GREM2: variants seen among roughly 807,000 people sequenced by gnomAD.
GREM2 encodes the protein gremlin 2, DAN family BMP antagonist, also known as gremlin-2.
GREM2 carries 11 observed loss-of-function variants against 14.2 expected under a neutral mutation model. That is an observed-to-expected ratio of 0.78 (90% confidence interval 0.49 to 1.28). GREM2 has a LOEUF of 1.28. Among genes scored for constraint, GREM2 ranks in the 50% most tolerant of loss-of-function variants. The pLI, the probability that GREM2 is intolerant of heterozygous loss-of-function variation, is 0.00. For synonymous variants in GREM2, 98 were observed against 97.6 expected (o/e 1.00, Z -0.02); for missense variants, 210 against 218.5 (o/e 0.96, Z 0.24).
intron 1 of GREM2, among the ~76,000 whole-genome samples, chr1:240,609,263 CA>C (rs1300669819): frequency 2.6e-5 from 4 of 151,950 alleles, no homozygotes; most frequent in African/African-American, 7.3e-5. Context: ...ATCAGTGCGC[CA>C]ACACCGTCTG....
chr1:240,505,445 A>C (rs1281065896), intron 1 of GREM2, among the ~76,000 whole-genome samples: 1 of 152,180 alleles, frequency 6.6e-6, no homozygotes, highest in African/African-American at 2.4e-5. Flanking sequence ...GAAAACAAAA[A>C]CAACAATAAA....
chr1:240,496,693 C>T (rs1299555989), intron 1 of GREM2, among the ~76,000 whole-genome samples: 2 of 152,140 alleles, frequency 1.3e-5, no homozygotes. Flanking sequence ...CAGAACAGTG[C>T]CTGGTGTACA....
intron 1 of GREM2, among the ~76,000 whole-genome samples, chr1:240,598,087 T>C (rs1302705504): frequency 6.6e-6 from 1 of 152,192 alleles, no homozygotes; most frequent in East Asian, 1.9e-4. Flanking sequence ...CGAACCTCAA[T>C]TGGCCAACGT....
intron 1 of GREM2, among the ~76,000 whole-genome samples, chr1:240,516,365 G>T (rs1677956981): frequency 6.6e-6 from 1 of 152,076 alleles, no homozygotes. Flanking sequence ...TAATAGATTT[G>T]ATGTTGAAAA....
intron 1 of GREM2, among the ~76,000 whole-genome samples, chr1:240,538,709 C>T (rs943769002): frequency 1.3e-5 from 2 of 152,032 alleles, no homozygotes; most frequent in African/African-American, 4.8e-5. Context: ...GCGACATAGC[C>T]AGATACTGTC....
At chr1:240,526,999 A>G (rs1678239278) in intron 1 of GREM2, among the ~76,000 whole-genome samples, 1 of 152,334 alleles carries the variant, frequency 6.6e-6, no homozygotes. Flanking sequence ...ACCAACAGCA[A>G]TCTTCAAAGC....
intron 1 of GREM2, among the ~76,000 whole-genome samples, chr1:240,585,568 A>G (rs1416117903): frequency 6.6e-6 from 1 of 151,710 alleles, no homozygotes. Context: ...CATCTCTACT[A>G]TACACACAAA....
chr1:240,548,120 A>G (rs1678776252), intron 1 of GREM2, among the ~76,000 whole-genome samples: 1 of 151,430 alleles, frequency 6.6e-6, no homozygotes, highest in South Asian at 2.1e-4. Context: ...AAAAAAAAAA[A>G]AAAAATTAGC....
At chr1:240,606,750 C>T (rs572050286) in intron 1 of GREM2, among the ~76,000 whole-genome samples, 27 of 150,740 alleles carry the variant, frequency 1.8e-4, no homozygotes, top group African/African-American at 6.4e-4. Context: ...GCGATCTCAG[C>T]TCACTGCAAC....
chr1:240,520,434 A>G (rs926434510), intron 1 of GREM2, among the ~76,000 whole-genome samples: 9 of 152,138 alleles, frequency 5.9e-5, no homozygotes, highest in African/African-American at 2.2e-4. Context: ...GTGTGAGTGG[A>G]CTCTGCTCAT....
chr1:240,547,699 C>G (rs1355118880), intron 1 of GREM2, among the ~76,000 whole-genome samples: 1 of 151,662 alleles, frequency 6.6e-6, no homozygotes, highest in East Asian at 1.9e-4. Context: ...CTTCTTAGCA[C>G]AGCACTGATG....
At chr1:240,510,152 G>A (rs1462499212) in intron 1 of GREM2, among the ~76,000 whole-genome samples, 2 of 151,930 alleles carry the variant, frequency 1.3e-5, no homozygotes, top group East Asian at 2.0e-4. Context: ...GGCGGATCAC[G>A]AGGTCAGGAG....
intron 1 of GREM2, among the ~76,000 whole-genome samples, chr1:240,548,552 A>G (rs1429008346): frequency 1.3e-5 from 2 of 152,212 alleles, no homozygotes; most frequent in African/African-American, 4.8e-5. Context: ...AATTATATCT[A>G]TAAAGTATAA....
intron 1 of GREM2, among the ~76,000 whole-genome samples, chr1:240,597,048 G>C (rs1571950202): frequency 6.6e-6 from 1 of 152,174 alleles, no homozygotes; most frequent in Non-Finnish European, 1.5e-5. Flanking sequence ...ACCAGAAACG[G>C]AGTATTACTA....
chr1:240,581,534 A>G (rs2103377530), intron 1 of GREM2, among the ~76,000 whole-genome samples: 1 of 152,354 alleles, frequency 6.6e-6, no homozygotes, highest in East Asian at 1.9e-4. Flanking sequence ...TAATTTTATA[A>G]CAAAGTCATT....
intron 1 of GREM2, among the ~76,000 whole-genome samples, chr1:240,507,175 A>T (rs746628348): frequency 2.6e-5 from 4 of 152,220 alleles, no homozygotes; most frequent in Non-Finnish European, 5.9e-5. Flanking sequence ...TGTGTGGGTA[A>T]TAAGATTACT....
intron 1 of GREM2, among the ~76,000 whole-genome samples, chr1:240,582,754 A>G (rs147778407): frequency 0.024 from 3,572 of 150,468 alleles, 108 homozygotes; most frequent in African/African-American, 0.064. Flanking sequence ...CCAAGATCAC[A>G]CAATTGCACT....
intron 1 of GREM2, among the ~76,000 whole-genome samples, chr1:240,592,861 C>A (rs962506554): frequency 6.6e-6 from 1 of 151,896 alleles, no homozygotes; most frequent in African/African-American, 2.4e-5. Context: ...TGGCCGGGCA[C>A]GGTGGCTCAA....
chr1:240,602,232 G>C (rs535755427), intron 1 of GREM2, among the ~76,000 whole-genome samples: 51 of 152,296 alleles, frequency 3.3e-4, no homozygotes, highest in African/African-American at 1.1e-3. Context: ...GAGGTTGCTT[G>C]TCTTATCATT....
Sources: allele counts gnomAD v4.1 joint callset (sites outside exome capture counted in the v4.1 genomes callset), GRCh38; gene constraint gnomAD v4.1.1; transcripts MANE v1.5; gene names NCBI Gene and HGNC (gene_info 2026-07-23, HGNC 2026-07-21).